Variants in GALNT9 observed in about 807,000 individuals in gnomAD.
The protein encoded by GALNT9 is GalNAc transferase 9.
Under a neutral mutation model 63.1 loss-of-function variants are expected in GALNT9, and 47 were observed. The observed-to-expected ratio is 0.75, with a 90% confidence interval of 0.59 to 0.95. The LOEUF is 0.95. Ranked by LOEUF, GALNT9 falls within the 40% of genes least tolerant of loss-of-function variation. The pLI is 0.00. For synonymous variants in GALNT9, 396 were observed against 365.7 expected (o/e 1.08, Z -0.94); for missense variants, 829 against 874.8 (o/e 0.95, Z 0.66).
At chr12:132,199,064 C>A in intron 9 of GALNT9, 110 bp downstream of exon 9, 1 of 703,388 alleles carries the variant, frequency 1.4e-6, no homozygotes, top group Non-Finnish European at 2.4e-6. Context: ...CCCTGGTGGC[C>A]TCAGAACACC....
intron 5 of GALNT9, among the ~76,000 whole-genome samples, chr12:132,251,036 G>A (rs1555238497): frequency 2.6e-5 from 4 of 152,154 alleles, no homozygotes; most frequent in South Asian, 4.2e-4. Flanking sequence ...CCGGAGCCGC[G>A]TCCTTCCACA....
At chr12:132,200,818 C>G in intron 8 of GALNT9, 1 of 395,298 alleles carries the variant, frequency 2.5e-6, no homozygotes, top group South Asian at 3.0e-5. Flanking sequence ...GACTACACAC[C>G]TGCCTGCCTC....
Position 132,311,647 on chromosome 12 carries a change from G to A in GALNT9, c.238+17319C>T, listed in dbSNP as rs192698781. 1.6e-3 allele frequency among the ~76,000 whole-genome samples: 240 copies of A among 152,292 alleles called. 1 individual carries two copies. Among genetic ancestry groups the A allele is most frequent in the Admixed American group, 2.5e-3 (39 of 15,306 alleles). On this transcript the variant is annotated intron_variant, in intron 1 of 10. Coordinates refer to ENST00000328957, the MANE Select transcript of GALNT9 (RefSeq NM_001122636.2). ...GCCAGGGCAGCTGCCGTGGGACAGC[G>A]GGCCCTCCCTCCACCCTCAGATCCC...
rs1354664492 is a variant in GALNT9 at position 132,203,502 on chromosome 12, CACCGACATGGGG to C, written c.1254_1263+2del. ...CCCGGCTCCCGGCCTGTGGGGGACTCACCGACATGGGGATGTTCCAGGCCATGTACACGTGGG... is the reference window on the plus strand; with the variant it reads ...CCCGGCTCCCGGCCTGTGGGGGACTCATGTTCCAGGCCATGTACACGTGGG... On this transcript the variant is annotated splice_donor_variant and coding_sequence_variant, in exon 7 of 11. Transcript: ENST00000328957. LOFTEE classifies it high-confidence loss of function. 6.2e-7 allele frequency: 1 copy of C among 1,613,512 alleles called. No homozygotes were observed. Among genetic ancestry groups the C allele is most frequent in the Non-Finnish European group, 8.5e-7 (1 of 1,179,628 alleles).
intron 6 of GALNT9, among the ~76,000 whole-genome samples, chr12:132,213,058 C>T (rs1456104796): frequency 7.9e-6 from 1 of 126,238 alleles, no homozygotes; most frequent in East Asian, 2.6e-4. Flanking sequence ...AAACCCCACC[C>T]GGGTCTGCAG....
chr12:132,257,547 GT>G, intron 5 of GALNT9, 141 bp downstream of exon 5: 1 of 40,028 alleles, frequency 2.5e-5, no homozygotes, highest in Admixed American at 2.5e-4. Flanking sequence ...CCACGCCCTC[GT>G]CCCCACGCCC....
At chr12:132,260,027 G>A (rs1879312628) in intron 4 of GALNT9, among the ~76,000 whole-genome samples, 1 of 74,412 alleles carries the variant, frequency 1.3e-5, no homozygotes, top group Admixed American at 1.5e-4. Context: ...TGTGGGCGCG[G>A]GGCCTGCCTG....
chr12:132,267,791 G>GTACTCACACAGACA (rs1879675105), intron 2 of GALNT9, among the ~76,000 whole-genome samples: 1 of 48,602 alleles, frequency 2.1e-5, no homozygotes, highest in African/African-American at 1.0e-4. Context: ...GCACACACAC[G>GTACTCACACAGACA]CACTCACACG....
At chr12:132,213,038 CTCG>C in intron 6 of GALNT9, among the ~76,000 whole-genome samples, 1 of 138,666 alleles carries the variant, frequency 7.2e-6, no homozygotes, top group South Asian at 2.6e-4. Context: ...GCCTTGAGAC[CTCG>C]ACACGGAAAC....
At chr12:132,325,914 C>T (rs1869016562) in intron 1 of GALNT9, among the ~76,000 whole-genome samples, 1 of 152,300 alleles carries the variant, frequency 6.6e-6, no homozygotes, top group Admixed American at 6.5e-5. Flanking sequence ...TGATTCTCCT[C>T]TCCCAGCAGA....
intron 6 of GALNT9, among the ~76,000 whole-genome samples, chr12:132,215,781 C>A (rs1266476317): frequency 1.3e-5 from 2 of 152,150 alleles, no homozygotes; most frequent in Non-Finnish European, 2.9e-5. Flanking sequence ...CTCGCATGGC[C>A]ACATGGGACC....
At chr12:132,226,589 TACACACC>T (rs1425235333) in intron 6 of GALNT9, among the ~76,000 whole-genome samples, 2 of 98,748 alleles carry the variant, frequency 2.0e-5, no homozygotes, top group African/African-American at 8.1e-5. Flanking sequence ...CCCACACACA[TACACACC>T]ACACACCCCA....
chr12:132,199,495 C>G (rs529434073), intron 8 of GALNT9, among the ~76,000 whole-genome samples: 6 of 152,252 alleles, frequency 3.9e-5, no homozygotes, highest in Non-Finnish European at 8.8e-5. Flanking sequence ...GGAGACTTGG[C>G]CATCACTCCA....
At chr12:132,304,427 ACAGCCTCGCCCGGGCACACCCTCGCCCG>A (rs1881474899) in intron 1 of GALNT9, among the ~76,000 whole-genome samples, 1 of 89,784 alleles carries the variant, frequency 1.1e-5, no homozygotes. Context: ...TCACCCGGGC[ACAGCCTCGCCCGGGCACACCCTCGCCCG>A]GGCACAGCCT....
chr12:132,298,714 G>C (rs1374712118), intron 1 of GALNT9, among the ~76,000 whole-genome samples: 1 of 148,240 alleles, frequency 6.7e-6, no homozygotes, highest in Non-Finnish European at 1.5e-5. Flanking sequence ...AGCCACTGCT[G>C]AGATAACCCA....
intron 2 of GALNT9, chr12:132,283,455 TCCACACCCTGAGCGC>T (rs1450170229): frequency 1.3e-5 from 2 of 152,526 alleles, no homozygotes; most frequent in Non-Finnish European, 2.9e-5. Context: ...AGCTGGCTCC[TCCACACCCTGAGCGC>T]CCACATCCGG....
rs782067177 is a variant in GALNT9, at chr12:132,329,156, C to G, written c.48G>C (p.Leu16=). The part of the protein sequence containing the change: ...KIRTLLTVNI[L]VFVGIVLFSV... Reference sequence around the variant, plus strand: ...AGAACAGGACGATGCCCACGAACACCAGGATGTTCACCGTCAGCAAAGTTC... The same window carrying G: ...AGAACAGGACGATGCCCACGAACACGAGGATGTTCACCGTCAGCAAAGTTC... The change falls in exon 1 of 11, where the codon CTG becomes CTC. Residue 16 remains leucine, a synonymous_variant. Coordinates refer to ENST00000328957, the MANE Select transcript of GALNT9 (RefSeq NM_001122636.2). 23 of 1,549,284 alleles carry G rather than the reference C, an allele frequency of 1.5e-5. No individual in the cohort carries two copies. In the African/African-American group the frequency reaches 2.9e-4, roughly 19 times the overall value.
At chr12:132,292,718 G>A (rs1288983717) in intron 1 of GALNT9, among the ~76,000 whole-genome samples, 1 of 152,234 alleles carries the variant, frequency 6.6e-6, no homozygotes, top group African/African-American at 2.4e-5. Context: ...CGGGGCGTGC[G>A]AAGGAGGCAC....
At chr12:132,311,756 C>T (rs1881819139) in intron 1 of GALNT9, among the ~76,000 whole-genome samples, 1 of 152,160 alleles carries the variant, frequency 6.6e-6, no homozygotes, top group Non-Finnish European at 1.5e-5. Context: ...GCAGCACCAT[C>T]ACCTTCCGGC....
Sources: allele counts gnomAD v4.1 joint callset (sites outside exome capture counted in the v4.1 genomes callset), GRCh38; gene constraint gnomAD v4.1.1; transcripts MANE v1.5; gene names NCBI Gene and HGNC (gene_info 2026-07-23, HGNC 2026-07-21).